Variants in CUL2 observed in about 807,000 individuals in gnomAD.
CUL2 encodes cullin-2.
In CUL2, 22 loss-of-function variants were observed where a neutral mutation model predicts 110.2. The ratio of observed to expected loss-of-function variants is 0.20; its 90% confidence interval spans 0.14 to 0.28. The LOEUF is 0.28. CUL2 is among the 10% of genes least tolerant of loss of function. The pLI, the probability that CUL2 is intolerant of heterozygous loss-of-function variation, is 1.00. For synonymous variants in CUL2, 279 were observed against 293.2 expected (o/e 0.95, Z 0.49); for missense variants, 631 against 905.5 (o/e 0.70, Z 3.89).
upstream of CUL2, among the ~76,000 whole-genome samples, chr10:35,093,503 A>G (rs575606265): frequency 4.3e-4 from 65 of 151,958 alleles, 1 homozygote; most frequent in South Asian, 0.012. Flanking sequence ...TACAAAAAAT[A>G]CAAAATTTAG....
At chr10:35,054,187 T>C (rs1021882947) in intron 5 of CUL2, among the ~76,000 whole-genome samples, 1 of 152,234 alleles carries the variant, frequency 6.6e-6, no homozygotes, top group African/African-American at 2.4e-5. Flanking sequence ...CTGAGTTTTT[T>C]CACAATGCAG....
At position 35,035,220 on chromosome 10, in the gene CUL2, G is replaced by A. The variant is rs759801116; in HGVS notation, c.954C>T (p.His318=). The stretch of plus-strand genomic sequence containing the variant: ...TTGCTCGAAGGCCCTCATCATGGAT[G>A]TGGTTTTGCAGCTCCTGAATCATAT... ...LPHMIQELQN[H]IHDEGLRATS... Residue 318 remains histidine, a synonymous_variant, in exon 10 of 21, where the codon CAC becomes CAT. Coordinates refer to ENST00000374749, the MANE Select transcript of CUL2 (RefSeq NM_003591.4). 1 of 1,614,196 alleles carries A rather than the reference G, an allele frequency of 6.2e-7. No homozygotes were observed. Among genetic ancestry groups the A allele is most frequent in the South Asian group, 1.1e-5 (1 of 91,086 alleles).
chr10:35,071,671 G>A (rs1016845890), intron 1 of CUL2, among the ~76,000 whole-genome samples: 3 of 152,190 alleles, frequency 2.0e-5, no homozygotes, highest in Admixed American at 2.0e-4. Context: ...GCCTCCCAAA[G>A]TGCTGGGATT....
At chr10:35,107,492 C>G (rs1321795574) in intron 1 of CUL2, among the ~76,000 whole-genome samples, 5 of 152,082 alleles carry the variant, frequency 3.3e-5, no homozygotes, top group Non-Finnish European at 7.4e-5. Flanking sequence ...AGTAGGGACA[C>G]AGAAATGTGT....
intron 17 of CUL2, among the ~76,000 whole-genome samples, chr10:35,021,752 AATGTGGGCTGTG>A (rs1418617549): frequency 1.3e-4 from 19 of 148,668 alleles, no homozygotes; most frequent in Admixed American, 1.1e-3. Context: ...GGCAGAGGCT[AATGTGGGCTGTG>A]ATCGCGCACC....
chr10:35,039,343 C>T (rs910006795), intron 8 of CUL2, among the ~76,000 whole-genome samples: 1 of 152,224 alleles, frequency 6.6e-6, no homozygotes, highest in Non-Finnish European at 1.5e-5. Context: ...CATTTACCTA[C>T]ACCATTCATC....
At chr10:35,024,359 T>C (rs954093696) in intron 17 of CUL2, among the ~76,000 whole-genome samples, 13 of 152,128 alleles carry the variant, frequency 8.5e-5, no homozygotes, top group African/African-American at 2.9e-4. Flanking sequence ...AAGTAACTCT[T>C]GGGGAGGGGA....
intron 1 of CUL2, among the ~76,000 whole-genome samples, chr10:35,083,798 T>C (rs2086995822): frequency 6.6e-6 from 1 of 151,790 alleles, no homozygotes; most frequent in Admixed American, 6.6e-5. Flanking sequence ...AGCCAAGGAG[T>C]TCAAAACCAG....
At chr10:35,080,783 A>G (rs1215300507) in intron 1 of CUL2, among the ~76,000 whole-genome samples, 1 of 152,204 alleles carries the variant, frequency 6.6e-6, no homozygotes, top group Non-Finnish European at 1.5e-5. Flanking sequence ...TTTTACAAAA[A>G]CAAATGAGTT....
At chr10:35,102,651 G>A (rs967980290) in intron 1 of CUL2, among the ~76,000 whole-genome samples, 19 of 151,886 alleles carry the variant, frequency 1.3e-4, no homozygotes, top group African/African-American at 4.1e-4. Flanking sequence ...TTGAGAGACC[G>A]AGGCGGGTGG....
chr10:35,038,379 A>G (rs2085684896), intron 9 of CUL2, among the ~76,000 whole-genome samples: 2 of 151,218 alleles, frequency 1.3e-5, no homozygotes, highest in African/African-American at 4.9e-5. Flanking sequence ...CAAAAAAATT[A>G]GCCAGGTGTG....
At chr10:35,078,032 T>C (rs564684139) in intron 1 of CUL2, among the ~76,000 whole-genome samples, 3 of 152,140 alleles carry the variant, frequency 2.0e-5, no homozygotes, top group East Asian at 3.9e-4. Flanking sequence ...AAAATCCTAC[T>C]CCTCATAAAC....
At chr10:35,059,170 C>A (rs2086318931) in intron 4 of CUL2, among the ~76,000 whole-genome samples, 1 of 152,162 alleles carries the variant, frequency 6.6e-6, no homozygotes, top group African/African-American at 2.4e-5. Flanking sequence ...ATTACATAAG[C>A]CTAGCTGATA....
At chr10:35,120,773 G>A (rs1485035507) in intron 1 of CUL2, among the ~76,000 whole-genome samples, 3 of 152,100 alleles carry the variant, frequency 2.0e-5, no homozygotes, top group East Asian at 1.9e-4. Flanking sequence ...ATGCACACCC[G>A]TAGTCCCAGC....
chr10:35,071,571 ATTTT>A (rs751555798), intron 1 of CUL2, among the ~76,000 whole-genome samples: 1 of 151,928 alleles, frequency 6.6e-6, no homozygotes, highest in Non-Finnish European at 1.5e-5. Context: ...TGCCCAGCTA[ATTTT>A]TTGTATTTTT....
chr10:35,076,886 T>G (rs1248149186), intron 1 of CUL2, among the ~76,000 whole-genome samples: 1 of 152,100 alleles, frequency 6.6e-6, no homozygotes, highest in East Asian at 1.9e-4. Flanking sequence ...CCATCTCTAC[T>G]AAAAATACAA....
chr10:35,123,871 CA>C (rs544821339), intron 1 of CUL2, among the ~76,000 whole-genome samples: 43 of 152,032 alleles, frequency 2.8e-4, no homozygotes, highest in South Asian at 2.1e-3. Flanking sequence ...AATTATCTTT[CA>C]AAAAAATTGG....
At chr10:35,122,138 T>A (rs11010102) in intron 1 of CUL2, among the ~76,000 whole-genome samples, 49,162 of 152,114 alleles carry the variant, frequency 0.32, 8,065 homozygotes, top group South Asian at 0.35. Context: ...ACCTTTCTCA[T>A]ATATTTAAAT....
At position 35,008,596 on chromosome 10, in the gene CUL2, G is replaced by A. The variant is rs1011369435; in HGVS notation, c.*1715C>T. On this transcript the variant is annotated 3_prime_UTR_variant, in exon 21 of 21. Transcript: ENST00000374749. ...CAATCAACAAGTTATCAAAACAAGG[G>A]TTTGCTTTTTGACAGTGAATGTACA... 1.3e-5 allele frequency: 2 copies of A among 152,054 alleles called. No individual in the cohort carries two copies. The highest frequency in any genetic ancestry group is 4.8e-5 in the African/African-American group (2 of 41,394). The allele number at this position is 152,054 out of a possible 1,614,324, so 9.4% of individuals were successfully genotyped here. A position where few individuals can be genotyped will look rare whatever the true frequency, so the allele number is the denominator to read the frequency against.
Sources: gnomAD v4.1 joint callset for allele counts (sites outside exome capture counted in the v4.1 genomes callset) on GRCh38, gnomAD v4.1.1 for gene constraint, MANE v1.5 for transcripts, NCBI Gene and HGNC (gene_info 2026-07-23, HGNC 2026-07-21) for gene names.